Variants in TENM2 observed in about 807,000 individuals in gnomAD.
The protein encoded by TENM2 is teneurin-2.
In TENM2, 52 loss-of-function variants were observed where a neutral mutation model predicts 245.2. The ratio of observed to expected loss-of-function variants is 0.21; its 90% CI spans 0.17 to 0.27. The LOEUF is 0.27. Ranked by LOEUF, TENM2 falls within the 10% of genes least tolerant of loss-of-function variation. The pLI, the probability that TENM2 is intolerant of heterozygous loss-of-function variation, is 1.00. For synonymous variants in TENM2, 1,363 were observed against 1,438.9 expected, an observed-to-expected ratio of 0.95 and a Z score of 1.19; for missense variants, 3,046 against 3,666.8, an observed-to-expected ratio of 0.83 and a Z score of 4.37.
At chr5:167,010,303 A>C in the TENM2 span, among the ~76,000 whole-genome samples, 1 of 152,158 alleles carries the variant, frequency 6.6e-6, no homozygotes. Context: ...GAATTGCTTG[A>C]ACCTGGGAGG....
At chr5:167,068,474 T>C in the TENM2 span, among the ~76,000 whole-genome samples, 144 of 152,364 alleles carry the variant, frequency 9.5e-4, no homozygotes, top group African/African-American at 3.2e-3. Context: ...ATATATTTTA[T>C]TTAACCTGAG....
At chr5:167,875,859 C>T in intron 2 of TENM2, 127 bp from the exon 5 acceptor site, 1 of 657,824 alleles carries the variant, frequency 1.5e-6, no homozygotes, top group Non-Finnish European at 2.6e-6. Context: ...AAAAGCACAT[C>T]TGGAGCAGTT....
intron 2 of TENM2, among the ~76,000 whole-genome samples, chr5:167,807,124 TAAAAAAAAAAA>T (rs1178739925): frequency 0.023 from 1,119 of 49,112 alleles, 24 homozygotes; most frequent in South Asian, 0.043. Context: ...GCCCCTAGGT[TAAAAAAAAAAA>T]AAAAAAAAAA....
At chr5:167,265,262 G>T in the TENM2 span, among the ~76,000 whole-genome samples, 10 of 148,990 alleles carry the variant, frequency 6.7e-5, no homozygotes, top group Non-Finnish European at 1.5e-4. Flanking sequence ...AACCCAGGAG[G>T]TGGAGGTTTC....
At chr5:167,019,662 GT>G in the TENM2 span, among the ~76,000 whole-genome samples, 1 of 151,934 alleles carries the variant, frequency 6.6e-6, no homozygotes, top group Non-Finnish European at 1.5e-5. Flanking sequence ...TAGAGATGGG[GT>G]CTCACCATGT....
At chr5:168,162,648 C>T (rs896670397) in exon 13 of TENM2, 10 of 1,613,896 alleles carry the variant, frequency 6.2e-6, no homozygotes, top group Non-Finnish European at 7.6e-6. Flanking sequence ...ACGGGAGATG[C>T]ACACTGGGTC....
At chr5:168,157,966 A>G (rs922181166) in intron 12 of TENM2, among the ~76,000 whole-genome samples, 5 of 152,152 alleles carry the variant, frequency 3.3e-5, no homozygotes, top group Non-Finnish European at 7.4e-5. Flanking sequence ...TCTGTCGCCT[A>G]GACTAGAGTG....
chr5:167,008,474 G>T, the TENM2 span, among the ~76,000 whole-genome samples: 1 of 152,148 alleles, frequency 6.6e-6, no homozygotes, highest in East Asian at 1.9e-4. Flanking sequence ...TTAATCTGAT[G>T]AGTCAAACCA....
chr5:167,430,371 G>A (rs1561948692), intron 2 of TENM2, among the ~76,000 whole-genome samples: 1 of 152,124 alleles, frequency 6.6e-6, no homozygotes, highest in Non-Finnish European at 1.5e-5. Flanking sequence ...GTATTCAACA[G>A]AAGGAGGTGT....
intron 2 of TENM2, among the ~76,000 whole-genome samples, chr5:167,645,366 G>C (rs1435915591): frequency 6.6e-6 from 1 of 152,168 alleles, no homozygotes; most frequent in Non-Finnish European, 1.5e-5. Context: ...TGAGGAAAAA[G>C]CAATGTTCAA....
intron 13 of TENM2, among the ~76,000 whole-genome samples, chr5:168,185,473 C>A (rs1303679622): frequency 6.6e-6 from 1 of 152,132 alleles, no homozygotes; most frequent in East Asian, 1.9e-4. Context: ...TCATCAACAT[C>A]ATCATCATCT....
upstream of TENM2, among the ~76,000 whole-genome samples, chr5:167,283,760 T>C (rs71603827): frequency 0.015 from 2,248 of 152,298 alleles, 26 homozygotes; most frequent in Non-Finnish European, 0.021. Flanking sequence ...CTATTTTGCA[T>C]GGCAAATGAA....
At chr5:167,884,578 G>C (rs1774136118) in intron 3 of TENM2, among the ~76,000 whole-genome samples, 1 of 152,116 alleles carries the variant, frequency 6.6e-6, no homozygotes, top group African/African-American at 2.4e-5. Context: ...AATTCTACAG[G>C]ACAGAATTTT....
At chr5:167,682,282 C>T (rs941814622) in intron 2 of TENM2, among the ~76,000 whole-genome samples, 1 of 151,942 alleles carries the variant, frequency 6.6e-6, no homozygotes, top group African/African-American at 2.4e-5. Context: ...TGTGTCTCAG[C>T]CTCCCGAGTA....
At chr5:167,883,080 G>A (rs1441315491) in intron 3 of TENM2, among the ~76,000 whole-genome samples, 1 of 152,142 alleles carries the variant, frequency 6.6e-6, no homozygotes, top group Non-Finnish European at 1.5e-5. Flanking sequence ...GCAGATCCTT[G>A]TAACTTACAT....
At chr5:168,163,615 G>A (rs1037589354) in intron 13 of TENM2, among the ~76,000 whole-genome samples, 11 of 152,070 alleles carry the variant, frequency 7.2e-5, no homozygotes, top group Admixed American at 2.6e-4. Flanking sequence ...ACCAAGGGTT[G>A]GGCTGCTTGT....
intron 2 of TENM2, among the ~76,000 whole-genome samples, chr5:167,652,792 A>T (rs889379398): frequency 2.0e-5 from 3 of 152,212 alleles, no homozygotes; most frequent in African/African-American, 4.8e-5. Flanking sequence ...GACCTGAAAT[A>T]GTGAAATAAT....
chr5:167,184,477 T>A, the TENM2 span, among the ~76,000 whole-genome samples: 1 of 151,958 alleles, frequency 6.6e-6, no homozygotes, highest in Admixed American at 6.6e-5. Flanking sequence ...TGTTGGGGGG[T>A]GGAGGGAAGT....
At chr5:168,069,634 C>G (rs1309073994) in intron 7 of TENM2, among the ~76,000 whole-genome samples, 1 of 152,158 alleles carries the variant, frequency 6.6e-6, no homozygotes, top group Non-Finnish European at 1.5e-5. Context: ...GCATTAGTGG[C>G]AGTCCCCTTT....
Sources: allele counts gnomAD v4.1 joint callset (sites outside exome capture counted in the v4.1 genomes callset), GRCh38; gene constraint gnomAD v4.1.1; transcripts MANE v1.5; gene names NCBI Gene and HGNC (gene_info 2026-07-23, HGNC 2026-07-21).